The following PCDHA9 variants were observed in gnomAD, a reference collection of about 807,000 sequenced individuals.
PCDHA9 encodes the protein protocadherin alpha-9.
PCDHA9 carries 62 observed loss-of-function variants against 62.0 expected under a neutral mutation model. The ratio of observed to expected loss-of-function variants is 1.00; its 90% CI spans 0.81 to 1.23. The LOEUF (loss-of-function observed/expected upper bound fraction) is 1.23, where lower values mean the gene tolerates loss of function less well. Among genes scored for constraint, PCDHA9 ranks in the 50% most tolerant of loss-of-function variants. The pLI is 0.00. For synonymous variants in PCDHA9, 557 were observed against 567.6 expected (o/e 0.98, Z 0.27); for missense variants, 1,205 against 1,249.8 (o/e 0.96, Z 0.54).
chr5:140,978,685 CA>C (rs1426574040), intron 1 of PCDHA9, among the ~76,000 whole-genome samples: 2 of 152,242 alleles, frequency 1.3e-5, no homozygotes, highest in African/African-American at 2.4e-5. Context: ...ATGTATTGGG[CA>C]AGGCAAAGCC....
intron 1 of PCDHA9, chr5:140,856,893 C>T (rs267600397): frequency 6.3e-7 from 1 of 1,596,420 alleles, no homozygotes; most frequent in Non-Finnish European, 8.6e-7. Flanking sequence ...TCATTTAGCT[C>T]TTTGGTCCCA....
chr5:140,969,339 A>AGTG (rs782647003), intron 1 of PCDHA9: 3 of 1,613,948 alleles, frequency 1.9e-6, no homozygotes, highest in African/African-American at 2.7e-5. Flanking sequence ...GAGGTGAGAC[A>AGTG]GTGGTCAGGG....
intron 1 of PCDHA9, chr5:140,871,169 A>AG: frequency 6.2e-7 from 1 of 1,613,520 alleles, no homozygotes; most frequent in Non-Finnish European, 8.5e-7. Flanking sequence ...GCGAGCCCAG[A>AG]GGCTGCGCTG....
chr5:140,980,465 A>G (rs1170047538), intron 2 of PCDHA9, among the ~76,000 whole-genome samples: 4 of 152,184 alleles, frequency 2.6e-5, no homozygotes, highest in African/African-American at 9.7e-5. Flanking sequence ...CCCTGTCTCT[A>G]CTAAAAATAC....
At chr5:140,917,224 G>T (rs142866496) in intron 1 of PCDHA9, among the ~76,000 whole-genome samples, 1 of 150,920 alleles carries the variant, frequency 6.6e-6, no homozygotes, top group African/African-American at 2.4e-5. Flanking sequence ...TTAGTGATAC[G>T]TTGTTAAATC....
intron 1 of PCDHA9, among the ~76,000 whole-genome samples, chr5:140,914,027 T>C (rs188298966): frequency 6.6e-6 from 1 of 152,186 alleles, no homozygotes; most frequent in Non-Finnish European, 1.5e-5. Context: ...ATCCACGTGC[T>C]GAGAAGAATG....
At chr5:140,923,304 G>T (rs933906504) in intron 1 of PCDHA9, among the ~76,000 whole-genome samples, 2 of 152,172 alleles carry the variant, frequency 1.3e-5, no homozygotes, top group East Asian at 3.9e-4. Context: ...TGGGCGTGGG[G>T]GCGCTTGGCC....
chr5:140,861,926 G>A (rs994509144), intron 1 of PCDHA9: 10 of 153,960 alleles, frequency 6.5e-5, no homozygotes, highest in African/African-American at 2.2e-4. Context: ...GGATGTAAAT[G>A]ATGATGCCCA....
intron 1 of PCDHA9, among the ~76,000 whole-genome samples, chr5:140,936,452 T>C (rs1447343887): frequency 2.0e-5 from 3 of 152,216 alleles, no homozygotes; most frequent in African/African-American, 7.2e-5. Flanking sequence ...ACCACATCTG[T>C]TTAGTGGTTG....
chr5:140,860,407 G>C (rs2046379214), intron 1 of PCDHA9: 1 of 151,974 alleles, frequency 6.6e-6, no homozygotes, highest in African/African-American at 2.4e-5. Flanking sequence ...AAAAGCAATA[G>C]TAACACCATT....
intron 1 of PCDHA9, among the ~76,000 whole-genome samples, chr5:140,974,838 A>G (rs1554236389): frequency 6.6e-6 from 1 of 152,134 alleles, no homozygotes; most frequent in Admixed American, 6.5e-5. Context: ...ATTATTTTAA[A>G]TGTTATATTC....
At chr5:140,928,868 C>G (rs374918492) in intron 1 of PCDHA9, 32 of 1,614,062 alleles carry the variant, frequency 2.0e-5, no homozygotes, top group Non-Finnish European at 2.6e-5. Context: ...TTGAGCAACT[C>G]TGTCCCTCAG....
chr5:140,872,165 C>CTT (rs781807025), intron 1 of PCDHA9, among the ~76,000 whole-genome samples: 18 of 144,352 alleles, frequency 1.2e-4, no homozygotes, highest in Non-Finnish European at 2.0e-4. Context: ...ATTTACTTTT[C>CTT]TTTTTTTTTT....
At chr5:140,895,653 A>G (rs1247218282) in intron 1 of PCDHA9, among the ~76,000 whole-genome samples, 1 of 152,150 alleles carries the variant, frequency 6.6e-6, no homozygotes, top group Non-Finnish European at 1.5e-5. Flanking sequence ...GCTCCCACTT[A>G]TAAGTGAGAA....
intron 1 of PCDHA9, among the ~76,000 whole-genome samples, chr5:140,888,361 C>G (rs1445087911): frequency 2.0e-5 from 3 of 152,156 alleles, no homozygotes; most frequent in Non-Finnish European, 4.4e-5. Flanking sequence ...CTACTGGCAT[C>G]TAATAATGGA....
chr5:140,856,374 T>C, intron 1 of PCDHA9: 3 of 1,598,376 alleles, frequency 1.9e-6, no homozygotes, highest in Non-Finnish European at 2.6e-6. Flanking sequence ...GAGGTGATCG[T>C]GGACAGGCCG....
At chr5:140,863,093 C>T (rs1204907629) in intron 1 of PCDHA9, 2 of 576,488 alleles carry the variant, frequency 3.5e-6, no homozygotes, top group Middle Eastern at 2.9e-4. Flanking sequence ...ATCAGCACGA[C>T]GAGTACCCTG....
intron 1 of PCDHA9, chr5:140,863,233 C>A (rs2047882202): frequency 1.6e-6 from 2 of 1,240,300 alleles, no homozygotes; most frequent in South Asian, 1.2e-5. Flanking sequence ...GGTCCCATCG[C>A]GGGCTTTGGC....
chr5:140,926,125 A>G (rs1584421625), intron 1 of PCDHA9, among the ~76,000 whole-genome samples: 2 of 152,180 alleles, frequency 1.3e-5, no homozygotes, highest in Admixed American at 6.5e-5. Flanking sequence ...ACAGACTTCA[A>G]CCCGCAGCAG....
Sources: gnomAD v4.1 joint callset for allele counts (sites outside exome capture counted in the v4.1 genomes callset) on GRCh38, gnomAD v4.1.1 for gene constraint, MANE v1.5 for transcripts, NCBI Gene and HGNC (gene_info 2026-07-23, HGNC 2026-07-21) for gene names.